Variants in CTH observed in about 807,000 individuals in gnomAD.
The protein encoded by CTH is cystathionine gamma-lyase.
A neutral mutation model predicts 50.6 loss-of-function variants in CTH; 41 were observed. The ratio of observed to expected loss-of-function variants is 0.81; its 90% CI spans 0.63 to 1.05. CTH has a LOEUF of 1.05. CTH is among the 50% of genes least tolerant of loss of function. The pLI is 0.00. For missense variants in CTH, 470 were observed against 492.6 expected (o/e 0.95, Z 0.43); for synonymous variants, 156 against 168.9 (o/e 0.92, Z 0.59).
intron 2 of CTH, among the ~76,000 whole-genome samples, chr1:70,416,400 T>C (rs935427961): frequency 1.3e-5 from 2 of 152,038 alleles, no homozygotes. Flanking sequence ...GAATATAAAA[T>C]CTTTTTTTGA....
Position 70,439,201 on chromosome 1 carries a change from T to C in CTH, c.*74T>C, listed in dbSNP as rs1684667187. ...CCTGAGTAATTAAATGGACCAACAATGAGCCTTTGCAAAATTTTCAAGCGG... is the reference window on the plus strand; with the variant it reads ...CCTGAGTAATTAAATGGACCAACAACGAGCCTTTGCAAAATTTTCAAGCGG... On this transcript the variant is annotated 3_prime_UTR_variant, in exon 12 of 12. Transcript: ENST00000370938. 5 of 1,409,594 alleles carry C rather than the reference T, an allele frequency of 3.5e-6. No homozygotes were observed. Among genetic ancestry groups the C allele is most frequent in the Non-Finnish European group, 5.0e-6 (5 of 995,306 alleles). The allele number at this position is 1,409,594 out of a possible 1,614,324, so 87.3% of individuals were successfully genotyped here.
intron 4 of CTH, among the ~76,000 whole-genome samples, chr1:70,423,672 G>A (rs1357788147): frequency 1.3e-5 from 2 of 152,028 alleles, no homozygotes; most frequent in Admixed American, 1.3e-4. Flanking sequence ...TCTACCATGT[G>A]TCTGAATTGT....
At chr1:70,418,729 C>T (rs1684149946) in intron 3 of CTH, among the ~76,000 whole-genome samples, 1 of 152,164 alleles carries the variant, frequency 6.6e-6, no homozygotes, top group African/African-American at 2.4e-5. Flanking sequence ...AAGAGTTCAA[C>T]CCCACACATC....
intron 1 of CTH, among the ~76,000 whole-genome samples, chr1:70,413,030 G>T (rs1227632088): frequency 6.6e-6 from 1 of 151,942 alleles, no homozygotes; most frequent in Non-Finnish European, 1.5e-5. Flanking sequence ...GGATCTTAGA[G>T]AATTTAAAAG....
chr1:70,431,572 C>G (rs1414321833), intron 7 of CTH, among the ~76,000 whole-genome samples: 6 of 152,112 alleles, frequency 3.9e-5, no homozygotes, highest in Non-Finnish European at 7.4e-5. Flanking sequence ...ACAAGGGAAA[C>G]TGAAACTTAT....
At position 70,430,334 on chromosome 1, in the gene CTH, A is replaced by T; in HGVS notation, c.664A>T (p.Met222Leu). ...GTTTTTAGGCCACAGTGATGTTGTAATGGGCCTGGTGTCTGTTAATTGTGA... is the reference window on the plus strand; with the variant it reads ...GTTTTTAGGCCACAGTGATGTTGTATTGGGCCTGGTGTCTGTTAATTGTGA... ...KYMNGHSDVV[M>L]GLVSVNCESL... is the part of the protein sequence containing the mutation. The change falls in exon 7 of 12, where the codon ATG becomes TTG. Residue 222 changes from methionine (M) to leucine (L), a missense_variant. By Grantham distance (15) the Met-to-Leu change is conservative. Transcript: ENST00000370938. The T allele has an allele frequency of 6.3e-7, 1 of 1,598,252 alleles. No homozygotes were observed. The highest frequency in any genetic ancestry group is 1.1e-5 in the South Asian group (1 of 90,718).
chr1:70,411,296 T>C lies in CTH; in HGVS notation c.-120T>C. ...GCTTTAGTGCGCTCGCCGTCGGCTC[T>C]ACCTGCGTGCTTTAGCTCCTTCTCG... On this transcript the variant is annotated 5_prime_UTR_variant, in exon 1 of 12. Transcript: ENST00000370938. 9.9e-7 allele frequency: 1 copy of C among 1,011,084 alleles called. No individual in the cohort carries two copies. Among genetic ancestry groups the C allele is most frequent in the Non-Finnish European group, 1.6e-6 (1 of 630,470 alleles). The allele number at this position is 1,011,084 out of a possible 1,614,324, so 62.6% of individuals were successfully genotyped here.
rs1684669905 is a variant in CTH at position 70,439,358 on chromosome 1, A to C, written c.*231A>C. On this transcript the variant is annotated 3_prime_UTR_variant, in exon 12 of 12. Coordinates refer to ENST00000370938, the MANE Select transcript of CTH (RefSeq NM_001902.6). Reference sequence around the variant, plus strand: ...AATATCTTTTTGTTAATTTTGCTCTATGTTTGCCTCTGAAGGAGGTGAGAT... The same window carrying C: ...AATATCTTTTTGTTAATTTTGCTCTCTGTTTGCCTCTGAAGGAGGTGAGAT... 3.7e-6 allele frequency: 2 copies of C among 544,222 alleles called. No individual in the cohort carries two copies. The highest frequency in any genetic ancestry group is 6.1e-5 in the East Asian group (2 of 32,980). 33.7% of individuals were successfully genotyped at this position (544,222 alleles called of 1,614,324 possible).
At chr1:70,428,433 C>A (rs1684394450) in intron 5 of CTH, among the ~76,000 whole-genome samples, 1 of 152,080 alleles carries the variant, frequency 6.6e-6, no homozygotes. Flanking sequence ...AGATGATGGG[C>A]ATGCTAATTA....
intron 11 of CTH, 123 bp from the exon 12 acceptor site, chr1:70,438,978 T>C (rs1684661161): frequency 2.6e-6 from 4 of 1,559,746 alleles, no homozygotes; most frequent in Admixed American, 3.4e-5. Flanking sequence ...AATAAACGTA[T>C]AGGGAGCTCA....
intron 9 of CTH, chr1:70,434,746 ATTTTT>A (rs35606808): frequency 4.6e-5 from 6 of 131,534 alleles, no homozygotes; most frequent in Admixed American, 1.5e-4. Flanking sequence ...AAATGCAATA[ATTTTT>A]TTTTTTTTTT....
rs1376706663 is a variant in CTH at position 70,439,086 on chromosome 1, G to T, written c.1192-15G>T. On this transcript the variant is annotated splice_polypyrimidine_tract_variant and intron_variant, in intron 11 of 11. Coordinates refer to ENST00000370938, the MANE Select transcript of CTH (RefSeq NM_001902.6). The stretch of plus-strand genomic sequence containing the variant: ...ATGTTTAATAACATATTTTTCTTGT[G>T]CACTGTTATTATAGCACCCTCCAAG... The T allele has an allele frequency of 3.1e-6, 5 of 1,609,286 alleles. No homozygotes were observed. The highest frequency in any genetic ancestry group is 3.4e-6 in the Non-Finnish European group (4 of 1,175,784).
chr1:70,422,964 T>A (rs977757897), intron 4 of CTH, among the ~76,000 whole-genome samples: 2 of 152,172 alleles, frequency 1.3e-5, no homozygotes, highest in Non-Finnish European at 2.9e-5. Flanking sequence ...GTAAGTCTTG[T>A]CAACAGAATT....
chr1:70,421,851 T>C (rs1286718369), intron 4 of CTH, among the ~76,000 whole-genome samples, 176 bp downstream of exon 4: 2 of 152,350 alleles, frequency 1.3e-5, no homozygotes, highest in East Asian at 1.9e-4. Context: ...ATAATGGTAG[T>C]ACATGATTTC....
At chr1:70,424,947 A>C (rs1684315442) in intron 5 of CTH, among the ~76,000 whole-genome samples, 1 of 152,014 alleles carries the variant, frequency 6.6e-6, no homozygotes, top group South Asian at 2.1e-4. Context: ...AAAGCTTACG[A>C]GTTCTCTTAG....
In CTH at chr1:70,439,094, A is replaced by ATT; in HGVS notation, c.1192-6_1192-5dup. ...TAACATATTTTTCTTGTGCACTGTT[A>ATT]TTATAGCACCCTCCAAGTGGAAGTC... is the stretch of plus-strand genomic sequence containing the variant. On this transcript the variant is annotated splice_polypyrimidine_tract_variant and splice_region_variant and intron_variant, in intron 11 of 11. Coordinates refer to ENST00000370938, the MANE Select transcript of CTH (RefSeq NM_001902.6). The ATT allele has an allele frequency of 6.2e-7, 1 of 1,611,696 alleles. No homozygotes were observed. The highest frequency in any genetic ancestry group is 8.5e-7 in the Non-Finnish European group (1 of 1,177,786).
intron 1 of CTH, 89 bp downstream of exon 1, chr1:70,411,672 T>C: frequency 1.3e-6 from 2 of 1,526,424 alleles, no homozygotes; most frequent in South Asian, 1.3e-5. Context: ...TAATTTATAA[T>C]ATGACTTATA....
intron 1 of CTH, among the ~76,000 whole-genome samples, chr1:70,412,406 GCC>G (rs1683987124): frequency 6.6e-6 from 1 of 152,182 alleles, no homozygotes; most frequent in Admixed American, 6.5e-5. Flanking sequence ...AGGAGTTCGA[GCC>G]CAGCCTGGCC....
Position 70,417,803 on chromosome 1 carries a change from T to G in CTH, c.251-134T>G, listed in dbSNP as rs1211780649. The stretch of plus-strand genomic sequence containing the variant: ...AGAAAAGGAGATTTTGTAATGGTAT[T>G]AATCAGGGGCCTCTAGCAACTCAGC... On this transcript the variant is annotated intron_variant, in intron 2 of 11. Transcript: ENST00000370938. The G allele has an allele frequency of 1.9e-5, 15 of 806,332 alleles. No individual in the cohort carries two copies. In the East Asian group the frequency reaches 2.9e-4, roughly 16 times the overall value. 49.9% of individuals were successfully genotyped at this position (806,332 alleles called of 1,614,324 possible).
Sources: allele counts gnomAD v4.1 joint callset (sites outside exome capture counted in the v4.1 genomes callset), GRCh38; gene constraint gnomAD v4.1.1; transcripts MANE v1.5; gene names NCBI Gene and HGNC (gene_info 2026-07-23, HGNC 2026-07-21).